SLCO1B1: variants seen among roughly 807,000 people sequenced by gnomAD.
The protein encoded by SLCO1B1 is OATP-2.
In SLCO1B1, 81 loss-of-function variants were observed where a neutral mutation model predicts 70.1. That is an observed-to-expected ratio of 1.16 (90% CI 0.97 to 1.39). The LOEUF is 1.39. Among genes scored for constraint, SLCO1B1 ranks in the 40% most tolerant of loss-of-function variants. The probability of loss-of-function intolerance (pLI) is 0.00; values close to 1 mark genes in which losing one functional copy is unlikely to be tolerated. For missense variants in SLCO1B1, 895 were observed against 799.6 expected (o/e 1.12, Z -1.44); for synonymous variants, 283 against 271.5 (o/e 1.04, Z -0.42).
rs766950888 is a variant in SLCO1B1 at position 21,141,603 on chromosome 12, C to T, written c.29C>T (p.Thr10Ile). 2.5e-6 allele frequency: 4 copies of T among 1,608,360 alleles called. No homozygotes were observed. The highest frequency in any genetic ancestry group is 3.4e-6 in the Non-Finnish European group (4 of 1,175,986). Residue 10 changes from threonine (T) to isoleucine (I), a missense_variant, in exon 2 of 15, where the codon ACA (threonine) becomes ATA (isoleucine). Physicochemically the swap from Thr to Ile is moderately conservative, Grantham distance 89 (BLOSUM62 -1). Transcript: ENST00000256958. MDQNQHLNKTAEAQPSENKK... is the reference protein window; with the variant it reads MDQNQHLNKIAEAQPSENKK... Reference sequence around the variant, plus strand: ...GACCAAAATCAACATTTGAATAAAACAGCAGAGGCACAACCTTCAGAGAAT... The same window carrying T: ...GACCAAAATCAACATTTGAATAAAATAGCAGAGGCACAACCTTCAGAGAAT...
intron 11 of SLCO1B1, among the ~76,000 whole-genome samples, chr12:21,206,945 T>C (rs1941222166): frequency 1.3e-5 from 2 of 151,908 alleles, no homozygotes; most frequent in South Asian, 4.1e-4. Flanking sequence ...TAATAAGGAA[T>C]GGCATGTAGA....
At chr12:21,135,919 C>G (rs1181775214) in intron 1 of SLCO1B1, among the ~76,000 whole-genome samples, 1 of 152,182 alleles carries the variant, frequency 6.6e-6, no homozygotes, top group Non-Finnish European at 1.5e-5. Flanking sequence ...GATGCAGTTT[C>G]TTCCTAGCCT....
Position 21,218,396 on chromosome 12 carries a change from T to G in SLCO1B1, c.1682+1093T>G, listed in dbSNP as rs899365104. Among the ~76,000 whole-genome samples, 32 of 152,134 alleles carry G rather than the reference T, an allele frequency of 2.1e-4. 1 individual carries two copies. Among genetic ancestry groups the G allele is most frequent in the Middle Eastern group, 3.2e-3 (1 of 316 alleles). ...AGTGACCTGGGTTAACATTCAATTGTACTTTTAAAACTTACATTGTTGATC... is the reference window on the plus strand; with the variant it reads ...AGTGACCTGGGTTAACATTCAATTGGACTTTTAAAACTTACATTGTTGATC... On this transcript the variant is annotated intron_variant, in intron 12 of 14. Transcript: ENST00000256958.
chr12:21,155,618 T>G (rs889977715), intron 2 of SLCO1B1, among the ~76,000 whole-genome samples: 1 of 152,164 alleles, frequency 6.6e-6, no homozygotes, highest in Non-Finnish European at 1.5e-5. Flanking sequence ...TTATAGTAAT[T>G]GCACAGGGGA....
chr12:21,190,471 C>T (rs553052239), intron 7 of SLCO1B1, among the ~76,000 whole-genome samples: 184 of 152,318 alleles, frequency 1.2e-3, no homozygotes, highest in Non-Finnish European at 2.0e-3. Flanking sequence ...CTCAACTCCA[C>T]TGTTCTCCCA....
Position 21,141,676 on chromosome 12 carries a change from T to C in SLCO1B1, c.84+18T>C. ...GATTGAAGGTAGAATAAGTTTTATGTTTTTGAGCTAAAATAAGTAAATAGG... is the reference window on the plus strand; with the variant it reads ...GATTGAAGGTAGAATAAGTTTTATGCTTTTGAGCTAAAATAAGTAAATAGG... On this transcript the variant is annotated intron_variant, in intron 2 of 14. Coordinates refer to ENST00000256958, the MANE Select transcript of SLCO1B1 (RefSeq NM_006446.5). 1 of 1,515,760 alleles carries C rather than the reference T, an allele frequency of 6.6e-7. No individual in the cohort carries two copies. The highest frequency in any genetic ancestry group is 1.4e-5 in the African/African-American group (1 of 72,996). The allele number at this position is 1,515,760 out of a possible 1,614,324, so 93.9% of individuals were successfully genotyped here. A position where few individuals can be genotyped will look rare whatever the true frequency, so the allele number is the denominator to read the frequency against.
At chr12:21,183,066 C>T (rs1215277365) in intron 7 of SLCO1B1, among the ~76,000 whole-genome samples, 2 of 152,238 alleles carry the variant, frequency 1.3e-5, no homozygotes, top group Non-Finnish European at 2.9e-5. Context: ...AGGGGGTCAT[C>T]TCTCTTGCCC....
chr12:21,192,119 GC>G (rs1354378303), intron 7 of SLCO1B1, among the ~76,000 whole-genome samples: 1 of 151,828 alleles, frequency 6.6e-6, no homozygotes. Flanking sequence ...AATAATGCTG[GC>G]CTTATAAAAT....
At chr12:21,228,063 G>A (rs1481988003) in intron 14 of SLCO1B1, among the ~76,000 whole-genome samples, 1 of 151,876 alleles carries the variant, frequency 6.6e-6, no homozygotes, top group Admixed American at 6.6e-5. Context: ...TGTTATTCTT[G>A]TGTACTTTAA....
At chr12:21,171,450 CTATA>C (rs2121095883) in intron 2 of SLCO1B1, among the ~76,000 whole-genome samples, 1 of 152,176 alleles carries the variant, frequency 6.6e-6, no homozygotes, top group African/African-American at 2.4e-5. Context: ...CTTGATATGA[CTATA>C]AGTTACATAG....
At chr12:21,142,273 T>A (rs1940321385) in intron 2 of SLCO1B1, among the ~76,000 whole-genome samples, 1 of 151,858 alleles carries the variant, frequency 6.6e-6, no homozygotes, top group African/African-American at 2.4e-5. Context: ...AATGATACAG[T>A]TGAGGTATTA....
chr12:21,230,092 A>G (rs564864758), intron 14 of SLCO1B1, among the ~76,000 whole-genome samples: 1 of 152,178 alleles, frequency 6.6e-6, no homozygotes, highest in East Asian at 1.9e-4. Flanking sequence ...GATTTTGCAA[A>G]TTCACTTTTC....
rs769866848 is a variant in SLCO1B1, at chr12:21,217,242, CA to C, written c.1623del (p.Val542SerfsTer2). The C allele has an allele frequency of 3.7e-6, 6 of 1,613,686 alleles. No individual in the cohort carries two copies. The South Asian group carries it at 6.6e-5, about 18-fold the overall frequency. Reference sequence around the variant, plus strand: ...GAAATTTTACTTTTTTGTTGCAATACAAGTCTTGAATTTATTTTTCTCTGCA... The same window carrying C: ...GAAATTTTACTTTTTTGTTGCAATACAGTCTTGAATTTATTTTTCTCTGCA... ...TRKFYFFVAI[Q>X]VLNLFFSALG... On this transcript the variant is annotated frameshift_variant, in exon 12 of 15. Coordinates refer to ENST00000256958, the MANE Select transcript of SLCO1B1 (RefSeq NM_006446.5). LOFTEE classifies it high-confidence loss of function.
intron 2 of SLCO1B1, among the ~76,000 whole-genome samples, chr12:21,163,264 A>G (rs370484728): frequency 2.4e-4 from 36 of 152,200 alleles, no homozygotes; most frequent in African/African-American, 7.0e-4. Context: ...CTTTATATCA[A>G]TACTTATGAA....
intron 1 of SLCO1B1, among the ~76,000 whole-genome samples, chr12:21,137,618 G>A (rs529699666): frequency 1.3e-5 from 2 of 152,158 alleles, no homozygotes; most frequent in South Asian, 2.1e-4. Flanking sequence ...AGACTCTGTG[G>A]GCATAGGACC....
At chr12:21,228,000 T>G (rs527762166) in intron 14 of SLCO1B1, among the ~76,000 whole-genome samples, 41 of 152,234 alleles carry the variant, frequency 2.7e-4, no homozygotes, top group African/African-American at 9.1e-4. Flanking sequence ...ATGTGTACTA[T>G]ATATATTTAA....
chr12:21,193,208 T>G (rs1941050683), intron 7 of SLCO1B1, among the ~76,000 whole-genome samples: 1 of 152,192 alleles, frequency 6.6e-6, no homozygotes, highest in Non-Finnish European at 1.5e-5. Context: ...GTCTGTTACG[T>G]TCAATTGGTC....
chr12:21,202,841 A>G (rs1383237480), intron 10 of SLCO1B1, among the ~76,000 whole-genome samples, 155 bp downstream of exon 10: 1 of 152,144 alleles, frequency 6.6e-6, no homozygotes, highest in Non-Finnish European at 1.5e-5. Context: ...CTGTTTCTTA[A>G]GACCTCAAAC....
At chr12:21,186,867 C>T (rs1316728122) in intron 7 of SLCO1B1, among the ~76,000 whole-genome samples, 1 of 151,940 alleles carries the variant, frequency 6.6e-6, no homozygotes, top group Non-Finnish European at 1.5e-5. Context: ...ATTATATGAC[C>T]ATTTAAAGCA....
Sources: gnomAD v4.1 joint callset for allele counts (sites outside exome capture counted in the v4.1 genomes callset) on GRCh38, gnomAD v4.1.1 for gene constraint, MANE v1.5 for transcripts, NCBI Gene and HGNC (gene_info 2026-07-23, HGNC 2026-07-21) for gene names.